The following TAF4B variants were observed in gnomAD, a reference collection of about 807,000 sequenced individuals.
TAF4B encodes transcription initiation factor TFIID subunit 4B.
In TAF4B, 38 loss-of-function variants were observed where a neutral mutation model predicts 86.4. That is an observed-to-expected ratio of 0.44 (90% CI 0.34 to 0.58). TAF4B has a LOEUF of 0.58. Among genes scored for constraint, TAF4B ranks in the 20% least tolerant of loss-of-function variants. The probability of loss-of-function intolerance (pLI) is 0.02; values close to 1 mark genes in which losing one functional copy is unlikely to be tolerated. For synonymous variants in TAF4B, 388 were observed against 391.2 expected (o/e 0.99, Z 0.10); for missense variants, 988 against 1,027.6 (o/e 0.96, Z 0.53).
intron 3 of TAF4B, among the ~76,000 whole-genome samples, chr18:26,272,342 C>T (rs548999795): frequency 5.3e-5 from 8 of 152,308 alleles, no homozygotes; most frequent in South Asian, 2.1e-4. Context: ...GGCAGTAATG[C>T]TCACTTGCCT....
intron 9 of TAF4B, among the ~76,000 whole-genome samples, chr18:26,301,353 C>CAT (rs1321369070): frequency 6.6e-6 from 1 of 150,976 alleles, no homozygotes; most frequent in Non-Finnish European, 1.5e-5. Flanking sequence ...GTGGCACAAT[C>CAT]ATAGCTCACT....
intron 9 of TAF4B, among the ~76,000 whole-genome samples, chr18:26,314,833 A>G (rs1223678042): frequency 6.6e-6 from 1 of 152,144 alleles, no homozygotes. Context: ...CAGAGGATTT[A>G]TGGATGACTT....
chr18:26,314,237 CTTATG>C (rs2056879875), intron 9 of TAF4B, among the ~76,000 whole-genome samples: 1 of 152,128 alleles, frequency 6.6e-6, no homozygotes, highest in Non-Finnish European at 1.5e-5. Flanking sequence ...ATTATTGTAA[CTTATG>C]TTATACATTG....
intron 1 of TAF4B, among the ~76,000 whole-genome samples, chr18:26,229,494 C>CTTTTTTTTTTTTTTTTTTTTTT (rs34261854): frequency 1.5e-5 from 2 of 129,374 alleles, no homozygotes; most frequent in Non-Finnish European, 1.6e-5. Context: ...TTCTTTCTTT[C>CTTTTTTTTTTTTTTTTTTTTTT]TTTTTTTTTT....
chr18:26,376,233 A>G (rs932366573), intron 14 of TAF4B, among the ~76,000 whole-genome samples: 1 of 152,040 alleles, frequency 6.6e-6, no homozygotes, highest in Non-Finnish European at 1.5e-5. Context: ...AACCAAAAAA[A>G]AAAAAAAGGT....
chr18:26,231,910 T>C (rs1258970753), intron 1 of TAF4B, among the ~76,000 whole-genome samples: 2 of 152,158 alleles, frequency 1.3e-5, no homozygotes, highest in Admixed American at 1.3e-4. Flanking sequence ...TATTGGCCCC[T>C]CCCACGTTCT....
intron 7 of TAF4B, among the ~76,000 whole-genome samples, chr18:26,289,590 A>C (rs2056567849): frequency 6.6e-6 from 1 of 152,052 alleles, no homozygotes; most frequent in South Asian, 2.1e-4. Flanking sequence ...GGGCTCAGAT[A>C]ATCCTCCCAC....
chr18:26,320,489 G>C (rs1447377237), intron 10 of TAF4B, among the ~76,000 whole-genome samples: 1 of 152,182 alleles, frequency 6.6e-6, no homozygotes, highest in Non-Finnish European at 1.5e-5. Flanking sequence ...AGATAGGTAG[G>C]TGAAACGATG....
chr18:26,313,865 C>T (rs1327993343), intron 9 of TAF4B, among the ~76,000 whole-genome samples: 2 of 151,972 alleles, frequency 1.3e-5, no homozygotes, highest in Non-Finnish European at 1.5e-5. Flanking sequence ...GTGGTATCTC[C>T]CTATGTTGCC....
At chr18:26,343,297 C>G (rs910479227) in intron 13 of TAF4B, among the ~76,000 whole-genome samples, 1 of 152,168 alleles carries the variant, frequency 6.6e-6, no homozygotes. Context: ...GAGGGAGGAG[C>G]TCAGGAAAGC....
chr18:26,326,174 C>T (rs1223464652), intron 11 of TAF4B, among the ~76,000 whole-genome samples: 1 of 152,182 alleles, frequency 6.6e-6, no homozygotes, highest in African/African-American at 2.4e-5. Flanking sequence ...CCATTGCCTC[C>T]TCCAACCCTG....
At chr18:26,229,019 TC>T (rs2055621960) in intron 1 of TAF4B, among the ~76,000 whole-genome samples, 1 of 152,026 alleles carries the variant, frequency 6.6e-6, no homozygotes, top group African/African-American at 2.4e-5. Flanking sequence ...GTCTGTTTAT[TC>T]TTTCCACAAC....
chr18:26,391,537 A>G lies in TAF4B; in HGVS notation c.*1525A>G, dbSNP rs1469851360. 6.6e-6 allele frequency: 1 copy of G among 152,172 alleles called. No individual in the cohort carries two copies. The highest frequency in any genetic ancestry group is 1.5e-5 in the Non-Finnish European group (1 of 68,024). 9.4% of individuals were successfully genotyped at this position (152,172 alleles called of 1,614,324 possible). A position where few individuals can be genotyped will look rare whatever the true frequency, so the allele number is the denominator to read the frequency against. The stretch of plus-strand genomic sequence containing the variant: ...TATGTTAAAGGAGTACTTTAAGAAG[A>G]GATCTTTATCCAAAGTTGTTTTTGT... On this transcript the variant is annotated 3_prime_UTR_variant, in exon 15 of 15. Transcript: ENST00000269142.
intron 6 of TAF4B, among the ~76,000 whole-genome samples, chr18:26,283,385 G>C (rs530084880): frequency 6.6e-5 from 10 of 152,204 alleles, no homozygotes; most frequent in African/African-American, 2.4e-4. Flanking sequence ...ACTTCTGGGT[G>C]ACGAGGTGTA....
rs1173542899 is a variant in TAF4B at position 26,226,889 on chromosome 18, G to C, written c.-45G>C. On this transcript the variant is annotated 5_prime_UTR_variant, in exon 1 of 15. Transcript: ENST00000269142. ...GCGCGCCAAGCCTCCCCTCACCTCT[G>C]CTCCCGGAACCGCAGCGCCAAAGCT... 7.5e-7 allele frequency: 1 copy of C among 1,335,730 alleles called. No homozygotes were observed. The highest frequency in any genetic ancestry group is 9.5e-7 in the Non-Finnish European group (1 of 1,047,600). 82.7% of individuals were successfully genotyped at this position (1,335,730 alleles called of 1,614,324 possible).
Position 26,389,927 on chromosome 18 carries a change from T to C in TAF4B, c.2504T>C (p.Ile835Thr). 6.2e-7 allele frequency: 1 copy of C among 1,614,174 alleles called. No individual in the cohort carries two copies. The highest frequency in any genetic ancestry group is 8.5e-7 in the Non-Finnish European group (1 of 1,180,004). The change falls in exon 15 of 15, where the codon ATC (isoleucine) becomes ACC (threonine). Residue 835 changes from isoleucine to threonine, a missense_variant. Ile to Thr is a moderately conservative substitution (Grantham distance 89). Around this residue, in one of 3 missense-constraint regions of TAF4B, gnomAD observed 216 missense variants for 238.4 expected, o/e 0.91. Coordinates refer to ENST00000269142, the MANE Select transcript of TAF4B (RefSeq NM_005640.3). Reference sequence around the variant, plus strand: ...TTGCATCGTCCAAGAATCACGAGAATCTGCCTCAGGGACTTGATATTTTGT... The same window carrying C: ...TTGCATCGTCCAAGAATCACGAGAACCTGCCTCAGGGACTTGATATTTTGT... ...KQLHRPRITR[I>T]CLRDLIFCME...
At position 26,274,843 on chromosome 18, in the gene TAF4B, C is replaced by G. The variant is rs765821291; in HGVS notation, c.759+19C>G. The G allele has an allele frequency of 2.5e-6, 4 of 1,613,894 alleles. No individual in the cohort carries two copies. The African/African-American group carries it at 5.3e-5, about 22-fold the overall frequency. The stretch of plus-strand genomic sequence containing the variant: ...TTCTCCGGTAAGCTCTTACTTGCAC[C>G]TTACATAAATCTTGTTCCTTGCAAG... On this transcript the variant is annotated intron_variant, in intron 4 of 14. Coordinates refer to ENST00000269142, the MANE Select transcript of TAF4B (RefSeq NM_005640.3).
intron 9 of TAF4B, 53 bp downstream of exon 9, chr18:26,293,584 A>T (rs1018394987): frequency 8.5e-7 from 1 of 1,179,814 alleles, no homozygotes; most frequent in Non-Finnish European, 1.2e-6. Context: ...TTTTTTAAAA[A>T]GGAGAGATGA....
At chr18:26,255,970 G>A in intron 1 of TAF4B, 2 of 1,311,104 alleles carry the variant, frequency 1.5e-6, no homozygotes, top group South Asian at 1.2e-5. Context: ...GATTGAGCTG[G>A]GAGGCACTGG....
Sources: gnomAD v4.1 joint callset for allele counts (sites outside exome capture counted in the v4.1 genomes callset) on GRCh38, gnomAD v4.1.1 for gene constraint, gnomAD v4.1.1 regional missense constraint, MANE v1.5 for transcripts, NCBI Gene and HGNC (gene_info 2026-07-23, HGNC 2026-07-21) for gene names.